The following DNAJC1 variants were observed in gnomAD, a reference collection of about 807,000 sequenced individuals.
DNAJC1 encodes DnaJ heat shock protein family (Hsp40) member C1.
DNAJC1 carries 58 observed loss-of-function variants against 76.6 expected under a neutral mutation model. The ratio of observed to expected loss-of-function variants is 0.76; its 90% confidence interval spans 0.61 to 0.94. The LOEUF is 0.94. Ranked by LOEUF, DNAJC1 falls within the 40% of genes least tolerant of loss-of-function variation. The probability of loss-of-function intolerance (pLI) is 0.00; values close to 1 mark genes in which losing one functional copy is unlikely to be tolerated. For missense variants in DNAJC1, 689 were observed against 677.3 expected (o/e 1.02, Z -0.19); for synonymous variants, 258 against 267.9 (o/e 0.96, Z 0.36).
At chr10:21,983,174 G>A (rs1392995250) in intron 1 of DNAJC1, among the ~76,000 whole-genome samples, 1 of 152,186 alleles carries the variant, frequency 6.6e-6, no homozygotes, top group Admixed American at 6.5e-5. Context: ...AATGGTCATA[G>A]CAGCATTATT....
At chr10:21,902,840 G>C (rs908155250) in intron 7 of DNAJC1, among the ~76,000 whole-genome samples, 2 of 152,010 alleles carry the variant, frequency 1.3e-5, no homozygotes, top group African/African-American at 4.8e-5. Context: ...AAATTACATA[G>C]AAATGATAAG....
chr10:21,953,687 T>G (rs1837634336), intron 1 of DNAJC1, among the ~76,000 whole-genome samples: 1 of 151,758 alleles, frequency 6.6e-6, no homozygotes, highest in African/African-American at 2.4e-5. Flanking sequence ...GAAATGTGAA[T>G]AATATTAAAA....
intron 10 of DNAJC1, among the ~76,000 whole-genome samples, chr10:21,761,066 A>G (rs1283494987): frequency 2.0e-5 from 3 of 152,100 alleles, no homozygotes; most frequent in African/African-American, 7.2e-5. Flanking sequence ...TGTCATCCCA[A>G]CTACTTGGGT....
intron 1 of DNAJC1, among the ~76,000 whole-genome samples, chr10:21,947,981 G>T (rs1837532603): frequency 6.6e-6 from 1 of 152,042 alleles, no homozygotes; most frequent in African/African-American, 2.4e-5. Flanking sequence ...AAAGAAGCAA[G>T]GCAAATACAT....
chr10:21,853,334 T>C (rs1308848740), intron 8 of DNAJC1, among the ~76,000 whole-genome samples: 1 of 152,156 alleles, frequency 6.6e-6, no homozygotes, highest in Non-Finnish European at 1.5e-5. Context: ...TGTTAGTTCA[T>C]GAGAAAGTGA....
chr10:21,835,803 C>G (rs1835442410), intron 8 of DNAJC1, among the ~76,000 whole-genome samples: 4 of 152,136 alleles, frequency 2.6e-5, no homozygotes, highest in Admixed American at 6.5e-5. Context: ...ACGAACAAAG[C>G]CTCCAAGAAA....
intron 5 of DNAJC1, among the ~76,000 whole-genome samples, chr10:21,919,525 T>C (rs1459803846): frequency 6.6e-6 from 1 of 152,006 alleles, no homozygotes; most frequent in Non-Finnish European, 1.5e-5. Context: ...CTGTCACTCC[T>C]GAGCTAAGTG....
At chr10:21,846,372 A>G (rs752174355) in intron 8 of DNAJC1, among the ~76,000 whole-genome samples, 14 of 152,202 alleles carry the variant, frequency 9.2e-5, no homozygotes, top group Non-Finnish European at 1.2e-4. Flanking sequence ...ATATGGCAAA[A>G]AAAAACCAAA....
At chr10:21,873,553 T>C (rs1836138771) in intron 8 of DNAJC1, among the ~76,000 whole-genome samples, 1 of 152,112 alleles carries the variant, frequency 6.6e-6, no homozygotes, top group Non-Finnish European at 1.5e-5. Context: ...CAAGATATTC[T>C]CAGTAAAATA....
intron 1 of DNAJC1, among the ~76,000 whole-genome samples, chr10:21,951,835 A>C (rs1467481342): frequency 6.6e-6 from 1 of 152,212 alleles, no homozygotes; most frequent in East Asian, 1.9e-4. Flanking sequence ...ATTTAATGCA[A>C]TTATATAAGT....
At chr10:21,947,657 T>C (rs367669475) in intron 1 of DNAJC1, among the ~76,000 whole-genome samples, 24 of 152,340 alleles carry the variant, frequency 1.6e-4, no homozygotes, top group Middle Eastern at 3.4e-3. Flanking sequence ...TCCACTGTGC[T>C]GGGGGATCGG....
chr10:21,797,765 G>A (rs1284259678), intron 9 of DNAJC1, among the ~76,000 whole-genome samples: 2 of 152,000 alleles, frequency 1.3e-5, no homozygotes, highest in Admixed American at 1.3e-4. Flanking sequence ...GTCCTTCTGT[G>A]TTCTACAGTG....
intron 7 of DNAJC1, among the ~76,000 whole-genome samples, chr10:21,901,225 T>C (rs1205541545): frequency 6.6e-6 from 1 of 152,188 alleles, no homozygotes; most frequent in Non-Finnish European, 1.5e-5. Flanking sequence ...TGTTTTAAAA[T>C]CATAGAAGGT....
intron 10 of DNAJC1, among the ~76,000 whole-genome samples, chr10:21,764,797 T>C (rs1199276977): frequency 1.3e-5 from 2 of 152,250 alleles, no homozygotes; most frequent in Non-Finnish European, 2.9e-5. Context: ...GACCTTATGG[T>C]GCTTTTAGAG....
intron 1 of DNAJC1, among the ~76,000 whole-genome samples, chr10:21,974,881 T>A (rs749478272): frequency 6.6e-6 from 1 of 152,144 alleles, no homozygotes; most frequent in Non-Finnish European, 1.5e-5. Context: ...TATGTATACT[T>A]CTTATGTAAT....
intron 9 of DNAJC1, among the ~76,000 whole-genome samples, chr10:21,801,198 C>T (rs1280621210): frequency 6.6e-6 from 1 of 152,132 alleles, no homozygotes; most frequent in Non-Finnish European, 1.5e-5. Context: ...TCAATATTAT[C>T]ACCAAAGCAA....
chr10:22,000,122 T>C (rs543916718), intron 1 of DNAJC1, among the ~76,000 whole-genome samples: 2 of 152,272 alleles, frequency 1.3e-5, no homozygotes, highest in East Asian at 3.9e-4. Flanking sequence ...TTATCTTCAG[T>C]TTCTCTTTTT....
At chr10:21,761,124 G>A (rs571079556) in intron 10 of DNAJC1, among the ~76,000 whole-genome samples, 14 of 152,186 alleles carry the variant, frequency 9.2e-5, no homozygotes, top group South Asian at 2.1e-4. Flanking sequence ...AGGCTGCAGT[G>A]AGCCAAGACT....
At chr10:21,892,042 G>A (rs1156532692) in intron 7 of DNAJC1, among the ~76,000 whole-genome samples, 2 of 151,998 alleles carry the variant, frequency 1.3e-5, no homozygotes, top group Non-Finnish European at 2.9e-5. Context: ...GGATTTAAGG[G>A]GAGGTAAGGT....
Sources: allele counts gnomAD v4.1 joint callset (sites outside exome capture counted in the v4.1 genomes callset), GRCh38; gene constraint gnomAD v4.1.1; transcripts MANE v1.5; gene names NCBI Gene and HGNC (gene_info 2026-07-23, HGNC 2026-07-21).